The following LCLAT1 variants were observed in gnomAD, a reference collection of about 807,000 sequenced individuals.
The protein encoded by LCLAT1 is 1-AGP acyltransferase 8.
Under a neutral mutation model 30.7 loss-of-function variants are expected in LCLAT1, and 11 were observed. That is an observed-to-expected ratio of 0.36 (90% CI 0.23 to 0.59). The LOEUF (loss-of-function observed/expected upper bound fraction) is 0.59. Ranked by LOEUF, LCLAT1 falls within the 20% of genes least tolerant of loss-of-function variation. The pLI is 0.77. For synonymous variants in LCLAT1, 155 were observed against 151.3 expected (o/e 1.02, Z -0.18); for missense variants, 402 against 458.6 (o/e 0.88, Z 1.13).
intron 1 of LCLAT1, among the ~76,000 whole-genome samples, chr2:30,517,584 C>T (rs1238175681): frequency 6.6e-6 from 1 of 152,162 alleles, no homozygotes; most frequent in Non-Finnish European, 1.5e-5. Context: ...CATAATAGAT[C>T]AGGATGAAAG....
At chr2:30,581,679 G>T (rs1558534217) in intron 5 of LCLAT1, among the ~76,000 whole-genome samples, 1 of 152,142 alleles carries the variant, frequency 6.6e-6, no homozygotes, top group Non-Finnish European at 1.5e-5. Context: ...ATTCTGCATG[G>T]TCTCACTTAT....
At chr2:30,555,686 A>C (rs1664880896) in intron 3 of LCLAT1, among the ~76,000 whole-genome samples, 1 of 152,082 alleles carries the variant, frequency 6.6e-6, no homozygotes, top group Non-Finnish European at 1.5e-5. Flanking sequence ...TTATTTATTA[A>C]CCCAATGTTG....
chr2:30,495,533 T>C (rs1001370453), intron 1 of LCLAT1, among the ~76,000 whole-genome samples: 2 of 151,928 alleles, frequency 1.3e-5, no homozygotes, highest in East Asian at 1.9e-4. Context: ...GTATAAGATA[T>C]GATTATGCTA....
intron 1 of LCLAT1, among the ~76,000 whole-genome samples, chr2:30,500,587 A>G (rs1415259025): frequency 6.6e-6 from 1 of 152,228 alleles, no homozygotes; most frequent in Non-Finnish European, 1.5e-5. Context: ...CTCTGCAGAA[A>G]AATACTTTAT....
At chr2:30,502,484 C>T (rs920909613) in intron 1 of LCLAT1, among the ~76,000 whole-genome samples, 1 of 152,142 alleles carries the variant, frequency 6.6e-6, no homozygotes, top group African/African-American at 2.4e-5. Flanking sequence ...AGAACCCCCC[C>T]TTCATAAGCT....
At chr2:30,559,202 T>C (rs552023909) in intron 3 of LCLAT1, among the ~76,000 whole-genome samples, 3 of 152,228 alleles carry the variant, frequency 2.0e-5, no homozygotes, top group African/African-American at 7.2e-5. Flanking sequence ...TGACTGGAAA[T>C]AGGACACATG....
At chr2:30,507,636 A>G (rs1181682655) in intron 1 of LCLAT1, among the ~76,000 whole-genome samples, 2 of 145,568 alleles carry the variant, frequency 1.4e-5, no homozygotes, top group African/African-American at 2.5e-5. Flanking sequence ...TGCAAAGGAC[A>G]TGATCTTATT....
intron 1 of LCLAT1, among the ~76,000 whole-genome samples, chr2:30,471,210 C>A (rs1682767976): frequency 6.7e-6 from 1 of 150,064 alleles, no homozygotes; most frequent in South Asian, 2.1e-4. Context: ...CTGCACCCGG[C>A]CTATTTATTT....
At chr2:30,482,589 T>C (rs1683373286) in intron 1 of LCLAT1, among the ~76,000 whole-genome samples, 1 of 152,128 alleles carries the variant, frequency 6.6e-6, no homozygotes, top group African/African-American at 2.4e-5. Flanking sequence ...ATTCATATAT[T>C]CTTTTGAATA....
intron 1 of LCLAT1, among the ~76,000 whole-genome samples, chr2:30,504,325 A>T (rs957478935): frequency 6.6e-6 from 1 of 151,934 alleles, no homozygotes; most frequent in South Asian, 2.1e-4. Flanking sequence ...TATATTAATA[A>T]TTTTTCTGGC....
chr2:30,581,793 A>C (rs1572654081), intron 5 of LCLAT1, among the ~76,000 whole-genome samples: 1 of 152,340 alleles, frequency 6.6e-6, no homozygotes, highest in South Asian at 2.1e-4. Flanking sequence ...GTTAATGGAT[A>C]CAACAGCACA....
intron 5 of LCLAT1, among the ~76,000 whole-genome samples, chr2:30,633,422 C>T (rs1668861787): frequency 6.6e-6 from 1 of 152,192 alleles, no homozygotes; most frequent in Non-Finnish European, 1.5e-5. Context: ...GGCACAGTGG[C>T]TCACGCCTGT....
At chr2:30,453,460 TA>T (rs1031085432) in intron 1 of LCLAT1, among the ~76,000 whole-genome samples, 1 of 152,250 alleles carries the variant, frequency 6.6e-6, no homozygotes, top group African/African-American at 2.4e-5. Flanking sequence ...GTCTTAGAAT[TA>T]TTTTTTTCTG....
chr2:30,594,869 C>T (rs1333823891), intron 5 of LCLAT1, among the ~76,000 whole-genome samples: 1 of 152,176 alleles, frequency 6.6e-6, no homozygotes, highest in African/African-American at 2.4e-5. Flanking sequence ...GTATAACCCT[C>T]AAATATTTTA....
chr2:30,578,855 C>T (rs1240296253), intron 5 of LCLAT1, among the ~76,000 whole-genome samples: 1 of 152,064 alleles, frequency 6.6e-6, no homozygotes, highest in Admixed American at 6.6e-5. Context: ...TGTTTTCATT[C>T]ACATTAGTGT....
At chr2:30,519,710 G>C (rs1302274096) in intron 1 of LCLAT1, among the ~76,000 whole-genome samples, 1 of 152,130 alleles carries the variant, frequency 6.6e-6, no homozygotes, top group South Asian at 2.1e-4. Context: ...GAGAGCACCC[G>C]GGGAGGGACA....
intron 1 of LCLAT1, among the ~76,000 whole-genome samples, chr2:30,509,407 T>C (rs1012920001): frequency 1.3e-5 from 2 of 152,174 alleles, no homozygotes; most frequent in Admixed American, 6.5e-5. Flanking sequence ...GTTTTTGTCA[T>C]AGATGGTTCT....
intron 5 of LCLAT1, among the ~76,000 whole-genome samples, chr2:30,623,219 A>C (rs940856745): frequency 6.6e-6 from 1 of 151,792 alleles, no homozygotes; most frequent in Non-Finnish European, 1.5e-5. Flanking sequence ...ACGCCCAGCT[A>C]ATTTTTTGTA....
intron 5 of LCLAT1, among the ~76,000 whole-genome samples, chr2:30,569,826 T>C (rs1224956233): frequency 2.0e-5 from 3 of 152,198 alleles, no homozygotes; most frequent in East Asian, 1.9e-4. Flanking sequence ...TTACAACTAA[T>C]ATAACATGGA....
Sources: allele counts gnomAD v4.1 joint callset (sites outside exome capture counted in the v4.1 genomes callset), GRCh38; gene constraint gnomAD v4.1.1; transcripts MANE v1.5; gene names NCBI Gene and HGNC (gene_info 2026-07-23, HGNC 2026-07-21).